Variants in TAOK1 observed in about 807,000 individuals in gnomAD.
TAOK1 encodes TAO kinase 1.
Under a neutral mutation model 138.3 loss-of-function variants are expected in TAOK1, and 21 were observed. That is an observed-to-expected ratio of 0.15 (90% confidence interval 0.11 to 0.22). The LOEUF is 0.22. Among genes scored for constraint, TAOK1 ranks in the 10% least tolerant of loss-of-function variants. The pLI is 1.00. For missense variants in TAOK1, 651 were observed against 1,227.7 expected, an observed-to-expected ratio of 0.53 and a Z score of 7.02; for synonymous variants, 361 against 398.4, an observed-to-expected ratio of 0.91 and a Z score of 1.12.
At chr17:29,391,709 G>A (rs1424103997) in intron 1 of TAOK1, among the ~76,000 whole-genome samples, 1 of 152,206 alleles carries the variant, frequency 6.6e-6, no homozygotes, top group Admixed American at 6.5e-5. Flanking sequence ...CTGTCCATGG[G>A]AAGTGTATCT....
chr17:29,538,983 T>C (rs1004554071), intron 19 of TAOK1, among the ~76,000 whole-genome samples: 1 of 152,012 alleles, frequency 6.6e-6, no homozygotes, highest in Non-Finnish European at 1.5e-5. Flanking sequence ...TGGGGGTGGG[T>C]GCAGTGGCTT....
intron 18 of TAOK1, among the ~76,000 whole-genome samples, chr17:29,532,821 C>T (rs1380238682): frequency 7.9e-5 from 12 of 151,816 alleles, no homozygotes; most frequent in East Asian, 1.9e-4. Context: ...TCCACAAAAC[C>T]GCCATTGTCA....
intron 1 of TAOK1, among the ~76,000 whole-genome samples, chr17:29,397,651 T>C (rs1598462796): frequency 7.1e-6 from 1 of 140,608 alleles, no homozygotes; most frequent in South Asian, 2.3e-4. Flanking sequence ...TGTATATATG[T>C]ATATTCATGT....
chr17:29,530,234 A>C (rs552070642), intron 17 of TAOK1, among the ~76,000 whole-genome samples, 173 bp from the exon 18 acceptor site: 1 of 152,326 alleles, frequency 6.6e-6, no homozygotes, highest in African/African-American at 2.4e-5. Flanking sequence ...AAATTCAATC[A>C]GCAGTTTGGC....
intron 3 of TAOK1, among the ~76,000 whole-genome samples, chr17:29,471,181 C>T (rs1005220785): frequency 6.8e-6 from 1 of 146,028 alleles, no homozygotes; most frequent in Non-Finnish European, 1.5e-5. Flanking sequence ...TATATATGTC[C>T]ATGCTATACT....
chr17:29,502,570 C>G lies in TAOK1; in HGVS notation c.1204-19C>G, dbSNP rs2031549080. 3.1e-6 allele frequency: 4 copies of G among 1,295,104 alleles called. No homozygotes were observed. The highest frequency in any genetic ancestry group is 2.6e-5 in the East Asian group (1 of 39,212). 80.2% of individuals were successfully genotyped at this position (1,295,104 alleles called of 1,614,324 possible). On this transcript the variant is annotated intron_variant, in intron 12 of 19. Coordinates refer to ENST00000261716, the MANE Select transcript of TAOK1 (RefSeq NM_020791.4). The stretch of plus-strand genomic sequence containing the variant: ...AACTGTTCACCTTACATAATATTGT[C>G]TTTTTTTTTTTTTCCTAGGAGGAAG...
At chr17:29,392,426 C>T (rs1001265042) in intron 1 of TAOK1, among the ~76,000 whole-genome samples, 3 of 152,108 alleles carry the variant, frequency 2.0e-5, no homozygotes, top group Admixed American at 1.3e-4. Flanking sequence ...TTTCTGTAGT[C>T]AGTCATTTTT....
intron 8 of TAOK1, among the ~76,000 whole-genome samples, chr17:29,486,270 C>G (rs1370717583): frequency 2.0e-5 from 3 of 152,126 alleles, no homozygotes; most frequent in Non-Finnish European, 4.4e-5. Flanking sequence ...GCCTGGGTGA[C>G]AGACCAAGAC....
chr17:29,517,152 A>T (rs1016449919), intron 15 of TAOK1, among the ~76,000 whole-genome samples: 6 of 151,718 alleles, frequency 4.0e-5, no homozygotes, highest in African/African-American at 1.5e-4. Flanking sequence ...ATGCCCGGCT[A>T]ATTTTTTTTG....
chr17:29,449,260 CTT>C (rs1427677250), intron 1 of TAOK1, among the ~76,000 whole-genome samples: 4 of 151,956 alleles, frequency 2.6e-5, no homozygotes, highest in African/African-American at 9.7e-5. Context: ...AGTTAAGTGA[CTT>C]TGCTATGGTC....
At chr17:29,491,915 C>A in intron 10 of TAOK1, 50 bp downstream of exon 10, 4 of 1,399,340 alleles carry the variant, frequency 2.9e-6, no homozygotes, top group Non-Finnish European at 4.0e-6. Context: ...GACAAGGCCT[C>A]ACTTTGTCAC....
chr17:29,524,498 G>A (rs2031973559), intron 17 of TAOK1, among the ~76,000 whole-genome samples: 1 of 152,208 alleles, frequency 6.6e-6, no homozygotes, highest in African/African-American at 2.4e-5. Flanking sequence ...TACGTTAAAA[G>A]TGAGGAGAAA....
chr17:29,473,529 G>A (rs2153026257), intron 3 of TAOK1, among the ~76,000 whole-genome samples: 1 of 150,988 alleles, frequency 6.6e-6, no homozygotes, highest in Admixed American at 6.6e-5. Flanking sequence ...AACCCAGGAG[G>A]CAGAAGTTGT....
chr17:29,411,316 C>T (rs182885919), intron 1 of TAOK1, among the ~76,000 whole-genome samples: 436 of 151,914 alleles, frequency 2.9e-3, no homozygotes, highest in African/African-American at 0.01. Flanking sequence ...TGGTCTCGAT[C>T]TCCTGACTTC....
chr17:29,472,014 T>G (rs2153026122), intron 3 of TAOK1, among the ~76,000 whole-genome samples: 1 of 152,306 alleles, frequency 6.6e-6, no homozygotes, highest in African/African-American at 2.4e-5. Context: ...ATTCCAGTTT[T>G]CCTGCTGTTT....
At chr17:29,531,219 G>A (rs940085465) in intron 18 of TAOK1, among the ~76,000 whole-genome samples, 1 of 150,676 alleles carries the variant, frequency 6.6e-6, no homozygotes, top group Admixed American at 6.6e-5. Flanking sequence ...CGCCCGCCTC[G>A]GCCTCCCAAA....
chr17:29,472,248 C>T (rs542042589), intron 3 of TAOK1, among the ~76,000 whole-genome samples: 9 of 138,268 alleles, frequency 6.5e-5, no homozygotes, highest in Middle Eastern at 3.7e-3. Context: ...CAGCTATAGC[C>T]GTTGTGTGTT....
intron 12 of TAOK1, among the ~76,000 whole-genome samples, chr17:29,501,301 G>A (rs1052962627): frequency 1.3e-5 from 2 of 151,520 alleles, no homozygotes; most frequent in Admixed American, 6.6e-5. Flanking sequence ...CTACTCAAGA[G>A]GCTGAGTAGT....
At chr17:29,487,798 A>G (rs530970766) in intron 8 of TAOK1, among the ~76,000 whole-genome samples, 53 of 152,232 alleles carry the variant, frequency 3.5e-4, no homozygotes, top group Non-Finnish European at 6.9e-4. Context: ...GTTTCATGAG[A>G]AGCAGAATAT....
Sources: allele counts gnomAD v4.1 joint callset (sites outside exome capture counted in the v4.1 genomes callset), GRCh38; gene constraint gnomAD v4.1.1; transcripts MANE v1.5; gene names NCBI Gene and HGNC (gene_info 2026-07-23, HGNC 2026-07-21).